The following STPG2 variants were observed in gnomAD, a reference collection of about 807,000 sequenced individuals.
The protein encoded by STPG2 is sperm tail PG-rich repeat containing 2, also known as sperm-tail PG-rich repeat-containing protein 2.
STPG2 carries 56 observed loss-of-function variants against 54.2 expected under a neutral mutation model. The observed-to-expected ratio is 1.03, with a 90% CI of 0.83 to 1.29. STPG2 has a LOEUF of 1.29. STPG2 is among the 50% of genes most tolerant of loss of function. STPG2 has a pLI of 0.00. For missense variants in STPG2, 596 were observed against 544.9 expected, an observed-to-expected ratio of 1.09 and a Z score of -0.93; for synonymous variants, 200 against 181.8, an observed-to-expected ratio of 1.10 and a Z score of -0.81.
intron 5 of STPG2, among the ~76,000 whole-genome samples, chr4:98,065,004 T>C (rs1194609570): frequency 6.6e-6 from 1 of 152,116 alleles, no homozygotes; most frequent in Admixed American, 6.6e-5. Context: ...GGCTCAAGCC[T>C]TCCTTCCACC....
intron 9 of STPG2, among the ~76,000 whole-genome samples, chr4:97,797,742 G>C (rs560139841): frequency 4.6e-5 from 7 of 152,242 alleles, no homozygotes; most frequent in South Asian, 2.1e-4. Flanking sequence ...CTATTGACTG[G>C]AATAGTTTCA....
At chr4:97,740,793 T>C (rs532329954) in intron 9 of STPG2, among the ~76,000 whole-genome samples, 2 of 152,138 alleles carry the variant, frequency 1.3e-5, no homozygotes, top group Admixed American at 6.5e-5. Context: ...CTGCCCAAGG[T>C]AATTTATACA....
At chr4:97,503,264 T>C (rs192366563) in intron 4 of STPG2, among the ~76,000 whole-genome samples, 1 of 151,992 alleles carries the variant, frequency 6.6e-6, no homozygotes, top group African/African-American at 2.4e-5. Flanking sequence ...TGTGGAAGTA[T>C]TTACACCATG....
At chr4:98,055,667 C>T (rs548892872) in intron 5 of STPG2, among the ~76,000 whole-genome samples, 2 of 152,294 alleles carry the variant, frequency 1.3e-5, no homozygotes, top group Middle Eastern at 3.4e-3. Context: ...GATGCCAGAG[C>T]ATCTGTAGTA....
At chr4:97,851,429 T>G (rs185777351) in intron 8 of STPG2, among the ~76,000 whole-genome samples, 6 of 152,316 alleles carry the variant, frequency 3.9e-5, no homozygotes, top group Admixed American at 3.9e-4. Flanking sequence ...CACTATGCCT[T>G]GAAAGTATTT....
intron 8 of STPG2, among the ~76,000 whole-genome samples, chr4:97,939,420 AT>A (rs1328405946): frequency 3.9e-5 from 6 of 152,056 alleles, no homozygotes; most frequent in Non-Finnish European, 8.8e-5. Flanking sequence ...TTGAAGTCTT[AT>A]TGTGTGGGAG....
Position 98,132,845 on chromosome 4 carries a change from G to T in STPG2, c.222+1502C>A, listed in dbSNP as rs565769915. On this transcript the variant is annotated intron_variant, in intron 2 of 10. Transcript: ENST00000295268. ...GCTGTACTTGGAGCACTTTGAGAGAGTGCAAGAAAACTGTTTTTAAAACAG... is the reference window on the plus strand; with the variant it reads ...GCTGTACTTGGAGCACTTTGAGAGATTGCAAGAAAACTGTTTTTAAAACAG... Among the ~76,000 whole-genome samples, 4 of 151,100 alleles carry T rather than the reference G, an allele frequency of 2.6e-5. No individual in the cohort carries two copies. The South Asian group carries it at 6.3e-4, about 24-fold the overall frequency.
At chr4:98,029,982 C>T (rs148189413) in intron 5 of STPG2, among the ~76,000 whole-genome samples, 1 of 152,226 alleles carries the variant, frequency 6.6e-6, no homozygotes, top group Non-Finnish European at 1.5e-5. Context: ...GAAGGAATGG[C>T]AACTTGTCTT....
chr4:97,904,945 A>T, intron 8 of STPG2, among the ~76,000 whole-genome samples: 1 of 152,114 alleles, frequency 6.6e-6, no homozygotes, highest in South Asian at 2.1e-4. Flanking sequence ...TCCAAGAAAT[A>T]TGGGACTATG....
intron 10 of STPG2, among the ~76,000 whole-genome samples, chr4:97,608,762 C>A (rs1323741777): frequency 6.6e-6 from 1 of 151,968 alleles, no homozygotes; most frequent in African/African-American, 2.4e-5. Flanking sequence ...CATTTTGAGC[C>A]AGGAAAAAGA....
At chr4:97,681,643 T>G (rs1244781874) in intron 10 of STPG2, among the ~76,000 whole-genome samples, 1 of 151,870 alleles carries the variant, frequency 6.6e-6, no homozygotes, top group Non-Finnish European at 1.5e-5. Flanking sequence ...AAGACATGAC[T>G]TTTGTTTTTA....
chr4:97,806,421 T>C (rs567669458), intron 9 of STPG2, among the ~76,000 whole-genome samples: 32 of 152,250 alleles, frequency 2.1e-4, no homozygotes, highest in Admixed American at 5.9e-4. Context: ...CCATGCTCAC[T>C]ACCTGGGTGA....
rs559242591 is a variant in STPG2 at position 97,487,729 on chromosome 4, G to A, written c.462+224970C>T. ...TTACTATGTCATGTTTATACCATCC[G>A]TGTTTAAGAATTGAATACTTTGGGC... On this transcript the variant is annotated intron_variant, in intron 4 of 4. Transcript: ENST00000522676. Among the ~76,000 whole-genome samples the A allele has an allele frequency of 4.0e-5, 6 of 151,322 alleles. No homozygotes were observed. The East Asian group carries it at 9.8e-4, about 25-fold the overall frequency.
intron 5 of STPG2, among the ~76,000 whole-genome samples, chr4:98,070,462 A>T (rs968220134): frequency 2.0e-5 from 3 of 152,100 alleles, no homozygotes; most frequent in African/African-American, 7.3e-5. Flanking sequence ...GGCACAAGAC[A>T]ATGATGCCCT....
chr4:97,964,242 A>G (rs918941300), intron 7 of STPG2, among the ~76,000 whole-genome samples: 1 of 152,184 alleles, frequency 6.6e-6, no homozygotes, highest in African/African-American at 2.4e-5. Flanking sequence ...GACAAGGCAG[A>G]TGGGGCAAAA....
chr4:97,486,829 G>GTGTATATATATA (rs1490371230), intron 4 of STPG2, among the ~76,000 whole-genome samples: 1 of 90,204 alleles, frequency 1.1e-5, no homozygotes. Context: ...GTGTGTGTGT[G>GTGTATATATATA]TATATATATA....
intron 9 of STPG2, among the ~76,000 whole-genome samples, chr4:97,783,395 G>A (rs1726716078): frequency 1.3e-5 from 2 of 152,180 alleles, no homozygotes; most frequent in South Asian, 2.1e-4. Flanking sequence ...ACACCAGTTA[G>A]AATGGCGATC....
chr4:98,014,705 G>A (rs1328767447), intron 5 of STPG2, among the ~76,000 whole-genome samples: 1 of 152,050 alleles, frequency 6.6e-6, no homozygotes, highest in Non-Finnish European at 1.5e-5. Context: ...TATAGTCAAT[G>A]TTATACTTTC....
rs185463903 is a variant in STPG2 at position 97,593,474 on chromosome 4, G to A, written c.1321-34357C>T. Among the ~76,000 whole-genome samples, 445 of 152,248 alleles carry A rather than the reference G, an allele frequency of 2.9e-3. 1 individual carries two copies. Among genetic ancestry groups the A allele is most frequent in the Non-Finnish European group, 5.5e-3 (375 of 68,010 alleles). On this transcript the variant is annotated intron_variant, in intron 10 of 10. Transcript: ENST00000295268. ...TTGCCTAGCTATGCCACCATTGCAC[G>A]TGAGAATTTGTACACGGATGCCAAC...
Sources: gnomAD v4.1 joint callset for allele counts (sites outside exome capture counted in the v4.1 genomes callset) on GRCh38, gnomAD v4.1.1 for gene constraint, MANE v1.5 for transcripts, NCBI Gene and HGNC (gene_info 2026-07-23, HGNC 2026-07-21) for gene names.